Variants in TBCEL observed in about 807,000 individuals in gnomAD.
The protein encoded by TBCEL is tubulin folding cofactor E like, also known as tubulin-specific chaperone cofactor E-like protein.
A neutral mutation model predicts 44.2 loss-of-function variants in TBCEL; 15 were observed. That is an observed-to-expected ratio of 0.34 (90% confidence interval 0.23 to 0.52). TBCEL has a LOEUF of 0.52. Ranked by LOEUF, TBCEL falls within the 20% of genes least tolerant of loss-of-function variation. TBCEL has a pLI of 0.95. For synonymous variants in TBCEL, 171 were observed against 185.4 expected (o/e 0.92, Z 0.63); for missense variants, 319 against 506.3 (o/e 0.63, Z 3.55).
At chr11:121,078,657 A>C (rs957662026) in intron 8 of TBCEL, among the ~76,000 whole-genome samples, 1 of 152,064 alleles carries the variant, frequency 6.6e-6, no homozygotes, top group East Asian at 1.9e-4. Flanking sequence ...TTCTACCCCT[A>C]CTTCAAGCAG....
At chr11:121,035,093 T>C (rs1027810483) in intron 1 of TBCEL, 1 of 152,238 alleles carries the variant, frequency 6.6e-6, no homozygotes, top group Non-Finnish European at 1.5e-5. Context: ...TACATTCCGT[T>C]CACGCTGCCA....
intron 1 of TBCEL, chr11:121,035,926 A>G (rs187664511): frequency 6.6e-6 from 1 of 152,258 alleles, no homozygotes; most frequent in East Asian, 1.9e-4. Flanking sequence ...TTTGGCTGTA[A>G]TGGATTTCAT....
chr11:121,079,884 G>A (rs1264066321), intron 8 of TBCEL, among the ~76,000 whole-genome samples: 1 of 151,870 alleles, frequency 6.6e-6, no homozygotes, highest in African/African-American at 2.4e-5. Flanking sequence ...GTGCAATCTC[G>A]GCTCACTGCA....
At chr11:121,033,074 A>G (rs1401469817) in intron 1 of TBCEL, among the ~76,000 whole-genome samples, 1 of 152,194 alleles carries the variant, frequency 6.6e-6, no homozygotes, top group Non-Finnish European at 1.5e-5. Context: ...TTAAGAGAAT[A>G]ATGCTATGAA....
intron 8 of TBCEL, among the ~76,000 whole-genome samples, chr11:121,074,232 GGATGTAT>G (rs1945991968): frequency 6.6e-6 from 1 of 151,930 alleles, no homozygotes; most frequent in Non-Finnish European, 1.5e-5. Context: ...ATTTTAAAAA[GGATGTAT>G]ACTACAAAGT....
intron 4 of TBCEL, among the ~76,000 whole-genome samples, chr11:121,051,557 C>T (rs752673292): frequency 1.3e-5 from 2 of 151,690 alleles, no homozygotes; most frequent in Admixed American, 6.6e-5. Flanking sequence ...TTGGTTCCTG[C>T]ATGAACTATT....
intron 1 of TBCEL, among the ~76,000 whole-genome samples, chr11:121,027,155 A>G (rs1445059906): frequency 1.3e-5 from 2 of 152,088 alleles, no homozygotes; most frequent in African/African-American, 2.4e-5. Context: ...AACTCTTTAT[A>G]TATTTTGGGC....
chr11:121,085,499 A>G (rs924211058), intron 8 of TBCEL, among the ~76,000 whole-genome samples: 1 of 152,142 alleles, frequency 6.6e-6, no homozygotes, highest in African/African-American at 2.4e-5. Context: ...AATTATTCCT[A>G]ATTTTACTAA....
At chr11:121,084,315 G>C (rs1192503475) in intron 8 of TBCEL, among the ~76,000 whole-genome samples, 2 of 152,126 alleles carry the variant, frequency 1.3e-5, no homozygotes, top group Non-Finnish European at 2.9e-5. Flanking sequence ...TAGCTCTACA[G>C]TCTCCATTTT....
At chr11:121,058,923 A>G (rs1311203428) in intron 7 of TBCEL, among the ~76,000 whole-genome samples, 2 of 151,936 alleles carry the variant, frequency 1.3e-5, no homozygotes, top group East Asian at 1.9e-4. Flanking sequence ...ATTGACTTAA[A>G]TATGACCACA....
intron 6 of TBCEL, 29 bp downstream of exon 6, chr11:121,055,337 A>G (rs372300700): frequency 7.1e-6 from 11 of 1,551,382 alleles, no homozygotes; most frequent in African/African-American, 1.4e-5. Context: ...CTTATTCTAC[A>G]TGCAAATTAA....
intron 2 of TBCEL, among the ~76,000 whole-genome samples, chr11:121,044,805 A>G (rs1308356990): frequency 6.6e-6 from 1 of 152,160 alleles, no homozygotes; most frequent in Non-Finnish European, 1.5e-5. Context: ...CTAAACAGAA[A>G]GGACTCTACC....
chr11:121,061,088 A>G (rs1945713330), intron 8 of TBCEL, among the ~76,000 whole-genome samples: 1 of 152,064 alleles, frequency 6.6e-6, no homozygotes, highest in Non-Finnish European at 1.5e-5. Context: ...AGAATATCAG[A>G]CAAATTAAGT....
chr11:121,078,228 C>A (rs985619970), intron 8 of TBCEL, among the ~76,000 whole-genome samples: 2 of 152,162 alleles, frequency 1.3e-5, no homozygotes, highest in African/African-American at 2.4e-5. Context: ...ATTTCTCCAA[C>A]AATAATTGTG....
intron 1 of TBCEL, 92 bp downstream of exon 1, chr11:121,024,383 G>C (rs1318080151): frequency 2.0e-5 from 3 of 152,714 alleles, no homozygotes; most frequent in Non-Finnish European, 4.4e-5. Context: ...GCTCCTGCAG[G>C]GTGCTGGGAT....
chr11:121,049,363 C>T (rs1442010959), intron 4 of TBCEL, among the ~76,000 whole-genome samples: 5 of 151,702 alleles, frequency 3.3e-5, no homozygotes, highest in Non-Finnish European at 7.4e-5. Flanking sequence ...TATCCATAAC[C>T]TAGTTTTGGT....
intron 1 of TBCEL, chr11:121,035,658 C>T (rs902046400): frequency 2.0e-5 from 3 of 152,052 alleles, no homozygotes; most frequent in Non-Finnish European, 2.9e-5. Context: ...TCTGTAGCTG[C>T]TCAAGAGCAC....
chr11:121,041,511 C>G (rs1424217344), intron 2 of TBCEL, among the ~76,000 whole-genome samples: 1 of 152,136 alleles, frequency 6.6e-6, no homozygotes, highest in Non-Finnish European at 1.5e-5. Flanking sequence ...GGCTCTCTGG[C>G]TTTCAGCACC....
chr11:121,085,757 G>C (rs566709694), intron 8 of TBCEL, among the ~76,000 whole-genome samples: 1 of 151,640 alleles, frequency 6.6e-6, no homozygotes, highest in Admixed American at 6.6e-5. Flanking sequence ...TCTTCCCCTT[G>C]GGCTTCCCAA....
Sources: gnomAD v4.1 joint callset for allele counts (sites outside exome capture counted in the v4.1 genomes callset) on GRCh38, gnomAD v4.1.1 for gene constraint, MANE v1.5 for transcripts, NCBI Gene and HGNC (gene_info 2026-07-23, HGNC 2026-07-21) for gene names.